CLPP: variants seen among roughly 807,000 people sequenced by gnomAD.
CLPP encodes the protein ATP-dependent Clp protease proteolytic subunit, mitochondrial.
A neutral mutation model predicts 27.4 loss-of-function variants in CLPP; 14 were observed. That is an observed-to-expected ratio of 0.51 (90% CI 0.34 to 0.80). The LOEUF is 0.80. CLPP is among the 30% of genes least tolerant of loss of function. The pLI, the probability that CLPP is intolerant of heterozygous loss-of-function variation, is 0.02. For missense variants in CLPP, 361 were observed against 403.6 expected (o/e 0.89, Z 0.90); for synonymous variants, 193 against 166.6 (o/e 1.16, Z -1.22).
chr19:6,362,149 TC>T (rs561731129), intron 2 of CLPP: 173 of 603,112 alleles, frequency 2.9e-4, no homozygotes, highest in South Asian at 6.9e-4. Context: ...ATCTCCGACT[TC>T]CTTCCTGACA....
intron 3 of CLPP, 42 bp downstream of exon 3, chr19:6,362,584 G>A (rs997581267): frequency 1.5e-6 from 2 of 1,347,444 alleles, no homozygotes; most frequent in Non-Finnish European, 2.1e-6. Context: ...ACTCGTCAGG[G>A]CACACGGGTG....
rs191414755 is a variant in CLPP, at chr19:6,366,249, G to A, written c.556-9G>A. ...CCTTTACCCCCTCACTCCCTTGGAC[G>A]TCCCTCAGGGCCAAGCCACAGACAT... On this transcript the variant is annotated splice_polypyrimidine_tract_variant and intron_variant, in intron 4 of 5. Coordinates refer to ENST00000245816, the MANE Select transcript of CLPP (RefSeq NM_006012.4). The A allele has an allele frequency of 8.2e-5, 131 of 1,600,552 alleles. No homozygotes were observed. The East Asian group carries it at 1.4e-3, about 17-fold the overall frequency.
At chr19:6,368,497 G>C (rs1456350737) in intron 5 of CLPP, 41 bp from the exon 6 acceptor site, 1 of 1,610,588 alleles carries the variant, frequency 6.2e-7, no homozygotes, top group Admixed American at 1.7e-5. Context: ...CTGGGTCTCT[G>C]CTCTTACCCT....
rs113242197 is a variant in CLPP, at chr19:6,369,268, A to G, written c.*558A>G. 5.7e-3 allele frequency among the ~76,000 whole-genome samples: 871 copies of G among 152,214 alleles called. 4 individuals carry two copies. The highest frequency in any genetic ancestry group is 0.02 in the African/African-American group (846 of 41,534). On this transcript the variant is annotated 3_prime_UTR_variant, in exon 6 of 6. Transcript: ENST00000245816. ...AAACCCCATTTCTACTAAAAATACA[A>G]AAATTAGCCGAGCGTGGTGCACCTG...
intron 4 of CLPP, 70 bp downstream of exon 4, chr19:6,364,709 G>A: frequency 1.4e-6 from 2 of 1,424,490 alleles, no homozygotes; most frequent in South Asian, 1.3e-5. Context: ...TGACTGGGCG[G>A]AAGTCAAGCG....
intron 3 of CLPP, among the ~76,000 whole-genome samples, chr19:6,363,488 G>T (rs1346954393): frequency 6.6e-6 from 1 of 152,120 alleles, no homozygotes; most frequent in Non-Finnish European, 1.5e-5. Context: ...CATCTGGCAA[G>T]AGTCAGCTGA....
chr19:6,366,013 CTG>C (rs2145052802), intron 4 of CLPP, among the ~76,000 whole-genome samples: 1 of 151,920 alleles, frequency 6.6e-6, no homozygotes, highest in East Asian at 1.9e-4. Context: ...CAGAGAGACA[CTG>C]TTCCTCCCAG....
In CLPP at chr19:6,369,346, G is replaced by A. The variant is rs187111792; in HGVS notation, c.*636G>A. On this transcript the variant is annotated 3_prime_UTR_variant, in exon 6 of 6. Coordinates refer to ENST00000245816, the MANE Select transcript of CLPP (RefSeq NM_006012.4). Reference sequence around the variant, plus strand: ...CAGAAGAATTGCTTGAACTTAGGAGGTGGAGGTTGCAGTGAGCAGGATCAC... The same window carrying A: ...CAGAAGAATTGCTTGAACTTAGGAGATGGAGGTTGCAGTGAGCAGGATCAC... Among the ~76,000 whole-genome samples, 26 of 151,974 alleles carry A rather than the reference G, an allele frequency of 1.7e-4. No homozygotes were observed. Among genetic ancestry groups the A allele is most frequent in the African/African-American group, 6.3e-4 (26 of 41,376 alleles).
chr19:6,367,582 G>C (rs1294965970), intron 5 of CLPP, among the ~76,000 whole-genome samples: 8 of 151,986 alleles, frequency 5.3e-5, no homozygotes, highest in African/African-American at 1.9e-4. Context: ...GGGCCCAAGT[G>C]GGGTTTCAGG....
intron 5 of CLPP, 79 bp from the exon 6 acceptor site, chr19:6,368,459 C>G: frequency 6.9e-7 from 1 of 1,446,514 alleles, no homozygotes; most frequent in South Asian, 1.2e-5. Flanking sequence ...CACAAACATT[C>G]AGGCCAAAAC....
Position 6,368,743 on chromosome 19 carries a change from G to A in CLPP, c.*33G>A. ...GCCTCCTCTCCAGAATCATGTGGAG[G>A]GGCCAGAGGCCTGCCAGACCCCCAG... On this transcript the variant is annotated 3_prime_UTR_variant, in exon 6 of 6. Coordinates refer to ENST00000245816, the MANE Select transcript of CLPP (RefSeq NM_006012.4). 1 of 1,537,404 alleles carries A rather than the reference G, an allele frequency of 6.5e-7. No homozygotes were observed. The highest frequency in any genetic ancestry group is 8.8e-7 in the Non-Finnish European group (1 of 1,139,402).
chr19:6,364,116 C>T lies in CLPP; in HGVS notation c.368-336C>T, dbSNP rs536490251. On this transcript the variant is annotated intron_variant, in intron 3 of 5. Transcript: ENST00000245816. Reference sequence around the variant, plus strand: ...CGCTATCTCGGCTCACTGCAACCTCCGCCTCCCGGGTTCACGCCATTCTGC... The same window carrying T: ...CGCTATCTCGGCTCACTGCAACCTCTGCCTCCCGGGTTCACGCCATTCTGC... Among the ~76,000 whole-genome samples the T allele has an allele frequency of 1.9e-4, 29 of 150,870 alleles. 1 individual carries two copies. The East Asian group carries it at 5.5e-3, about 28-fold the overall frequency.
At position 6,368,851 on chromosome 19, in the gene CLPP, G is replaced by A. The variant is rs980087331; in HGVS notation, c.*141G>A. ...ATTTGCAGGGGTGCCCGCTATGGACGGGGCATTCCAGCTGAGACACTGTGA... is the reference window on the plus strand; with the variant it reads ...ATTTGCAGGGGTGCCCGCTATGGACAGGGCATTCCAGCTGAGACACTGTGA... On this transcript the variant is annotated 3_prime_UTR_variant, in exon 6 of 6. Transcript: ENST00000245816. 4.8e-5 allele frequency: 33 copies of A among 691,620 alleles called. No individual in the cohort carries two copies. In the Middle Eastern group the frequency reaches 1.2e-3, roughly 26 times the overall value. 42.8% of individuals were successfully genotyped at this position (691,620 alleles called of 1,614,324 possible).
chr19:6,364,116 CGCCTCCCGGGTTCACGCCATTCTGCT>C (rs2091849663), intron 3 of CLPP, among the ~76,000 whole-genome samples: 1 of 150,752 alleles, frequency 6.6e-6, no homozygotes, highest in Non-Finnish European at 1.5e-5. Flanking sequence ...CTGCAACCTC[CGCCTCCCGGGTTCACGCCATTCTGCT>C]GCCTCAGCCT....
At chr19:6,365,213 C>T (rs951908340) in intron 4 of CLPP, 7 of 150,710 alleles carry the variant, frequency 4.6e-5, no homozygotes, top group Non-Finnish European at 8.8e-5. Flanking sequence ...CATGGTGGCT[C>T]ACGCCTGTAA....
Position 6,369,853 on chromosome 19 carries a change from G to A in CLPP, c.*1143G>A, listed in dbSNP as rs577041627. 7.2e-5 allele frequency among the ~76,000 whole-genome samples: 11 copies of A among 152,200 alleles called. No individual in the cohort carries two copies. The East Asian group carries it at 1.7e-3, about 24-fold the overall frequency. On this transcript the variant is annotated 3_prime_UTR_variant, in exon 6 of 6. Transcript: ENST00000245816. ...ATCATAAAAGGCCTGACATCTAAAA[G>A]GAGGGATGTGAACCATGGAGGGTTT...
rs74796941 is a variant in CLPP at position 6,368,944 on chromosome 19, G to A, written c.*234G>A. On this transcript the variant is annotated 3_prime_UTR_variant, in exon 6 of 6. Transcript: ENST00000245816. ...ACCCTCCCTTCTGCACCATGACAGC[G>A]TGTACACATCTGTGTTTCACAGGCC... 5,502 of 553,840 alleles carry A rather than the reference G, an allele frequency of 9.9e-3. 39 individuals carry two copies. Among genetic ancestry groups the A allele is most frequent in the Non-Finnish European group, 0.013 (3,999 of 310,252 alleles). The allele number at this position is 553,840 out of a possible 1,614,324, so 34.3% of individuals were successfully genotyped here. A position where few individuals can be genotyped will look rare whatever the true frequency, so the allele number is the denominator to read the frequency against.
chr19:6,362,202 C>T (rs972040282), intron 2 of CLPP: 2 of 602,878 alleles, frequency 3.3e-6, no homozygotes, highest in Non-Finnish European at 5.9e-6. Flanking sequence ...AGACTCTCCC[C>T]AGCCATTCTC....
chr19:6,366,123 C>T, intron 4 of CLPP, 135 bp from the exon 5 acceptor site: 1 of 619,776 alleles, frequency 1.6e-6, no homozygotes, highest in African/African-American at 1.8e-5. Context: ...GGGGGATTTA[C>T]ACAACCCCAG....
Sources: allele counts gnomAD v4.1 joint callset (sites outside exome capture counted in the v4.1 genomes callset), GRCh38; gene constraint gnomAD v4.1.1; transcripts MANE v1.5; gene names NCBI Gene and HGNC (gene_info 2026-07-23, HGNC 2026-07-21).